TNRC18: variants seen among roughly 807,000 people sequenced by gnomAD.
The protein encoded by TNRC18 is trinucleotide repeat containing 18.
TNRC18 carries 69 observed loss-of-function variants against 226.7 expected under a neutral mutation model. The observed-to-expected ratio is 0.30, with a 90% confidence interval of 0.25 to 0.37. The LOEUF is 0.37. Ranked by LOEUF, TNRC18 falls within the 10% of genes least tolerant of loss-of-function variation. The pLI is 1.00. For missense variants in TNRC18, 4,754 were observed against 4,256.6 expected (o/e 1.12, Z -3.25); for synonymous variants, 2,449 against 1,927.6 (o/e 1.27, Z -7.09).
chr7:5,354,049 C>A (rs1397388713), intron 16 of TNRC18, among the ~76,000 whole-genome samples: 2 of 151,740 alleles, frequency 1.3e-5, no homozygotes, highest in Non-Finnish European at 2.9e-5. Context: ...CTAAAAATAA[C>A]AACATTAGCT....
chr7:5,346,380 G>T (rs968040036), intron 17 of TNRC18, among the ~76,000 whole-genome samples: 7 of 152,178 alleles, frequency 4.6e-5, no homozygotes, highest in African/African-American at 1.7e-4. Context: ...CCCGAGAAGG[G>T]ATCTGGAGTC....
At chr7:5,338,100 A>G (rs527766744) in intron 18 of TNRC18, among the ~76,000 whole-genome samples, 1 of 152,228 alleles carries the variant, frequency 6.6e-6, no homozygotes, top group Non-Finnish European at 1.5e-5. Context: ...ACAAAGTTGC[A>G]AGATTTCTGT....
At chr7:5,398,135 G>A (rs925193241) in intron 2 of TNRC18, among the ~76,000 whole-genome samples, 1 of 151,990 alleles carries the variant, frequency 6.6e-6, no homozygotes, top group Admixed American at 6.6e-5. Context: ...TGGGTAGCTG[G>A]GACCACAGGC....
intron 10 of TNRC18, among the ~76,000 whole-genome samples, chr7:5,371,804 G>GCCCA (rs1794182769): frequency 6.6e-6 from 1 of 151,518 alleles, no homozygotes; most frequent in Non-Finnish European, 1.5e-5. Context: ...GGCGTGGTGG[G>GCCCA]CCACGCCTGT....
At chr7:5,314,329 T>A (rs2128106340) in intron 26 of TNRC18, among the ~76,000 whole-genome samples, 1 of 152,262 alleles carries the variant, frequency 6.6e-6, no homozygotes, top group East Asian at 1.9e-4. Context: ...GCTGCAGCCT[T>A]CTTAGGCCTC....
At position 5,330,406 on chromosome 7, in the gene TNRC18, TTTTG is replaced by T. The variant is rs1161794105; in HGVS notation, c.6147+2212_6147+2215del. 3.4e-3 allele frequency among the ~76,000 whole-genome samples: 501 copies of T among 148,864 alleles called. 2 individuals are homozygous for T. Among genetic ancestry groups the T allele is most frequent in the African/African-American group, 0.011 (474 of 41,256 alleles). On this transcript the variant is annotated intron_variant, in intron 19 of 29. Transcript: ENST00000430969. The stretch of plus-strand genomic sequence containing the variant: ...CACCACCACTCCCAGCTAATTGTTT[TTTTG>T]TTGTTTTTTTTTTTTGGTAGAGGCA...
intron 21 of TNRC18, among the ~76,000 whole-genome samples, chr7:5,321,697 G>T (rs1363354194): frequency 1.3e-5 from 2 of 151,154 alleles, no homozygotes; most frequent in Non-Finnish European, 2.9e-5. Context: ...TTGAGATGGA[G>T]TTTCAATCTT....
At chr7:5,402,128 G>A (rs1383875890) in intron 2 of TNRC18, among the ~76,000 whole-genome samples, 3 of 143,116 alleles carry the variant, frequency 2.1e-5, no homozygotes, top group African/African-American at 8.1e-5. Flanking sequence ...GCCGTGAGCT[G>A]AGATCATGCC....
chr7:5,315,099 G>A lies in TNRC18; in HGVS notation c.6912C>T (p.Ser2304=). 1 of 1,612,984 alleles carries A rather than the reference G, an allele frequency of 6.2e-7. No homozygotes were observed. The highest frequency in any genetic ancestry group is 8.5e-7 in the Non-Finnish European group (1 of 1,179,680). Residue 2304 remains serine, a synonymous_variant, in exon 26 of 30, where the codon AGC becomes AGT. Transcript: ENST00000430969. ...ALLVPSAKRR[S]RKTSKDTGEG... ...CCCCAGTGTCTTTGCTGGTCTTCCGGCTGCGGCGCTTGGCACTTGGCACCA... is the reference window on the plus strand; with the variant it reads ...CCCCAGTGTCTTTGCTGGTCTTCCGACTGCGGCGCTTGGCACTTGGCACCA...
Position 5,351,838 on chromosome 7 carries a change from C to T in TNRC18, c.5451G>A (p.Ser1817=), listed in dbSNP as rs771497365. Residue 1817 remains serine, a synonymous_variant, in exon 17 of 30, where the codon TCG becomes TCA. Coordinates refer to ENST00000430969, the MANE Select transcript of TNRC18 (RefSeq NM_001080495.3). ...AEARSSFSDS[S]EESFDQDESS... is the part of the protein sequence containing the mutation. ...AGTAACCTTGGTCAAACGATTCCTC[C>T]GAAGAGTCGCTGAAGGAGGAACGCG... The T allele has an allele frequency of 5.6e-6, 9 of 1,599,470 alleles. No individual in the cohort carries two copies. Among genetic ancestry groups the T allele is most frequent in the African/African-American group, 4.1e-5 (3 of 73,972 alleles).
Position 5,361,676 on chromosome 7 carries a change from C to T in TNRC18, c.4579G>A (p.Gly1527Ser), listed in dbSNP as rs1485214360. 6.4e-7 allele frequency: 1 copy of T among 1,565,542 alleles called. No individual in the cohort carries two copies. The highest frequency in any genetic ancestry group is 8.7e-7 in the Non-Finnish European group (1 of 1,155,992). The change falls in exon 14 of 30, where the codon GGC becomes AGC. Residue 1527 changes from glycine to serine, a missense_variant. Physicochemically the swap from Gly to Ser is moderately conservative, Grantham distance 56 (BLOSUM62 0). Coordinates refer to ENST00000430969, the MANE Select transcript of TNRC18 (RefSeq NM_001080495.3). ...PHRSLARRGPGRPRKRTHAPS... is the reference protein window; with the variant it reads ...PHRSLARRGPSRPRKRTHAPS... ...GCGTGGGTCCGTTTCCGCGGCCTGC[C>T]AGGGCCTCTGCGTGCCAAGCTTCTA...
rs542642428 is a variant in TNRC18 at position 5,307,775 on chromosome 7, G to A, written c.*331C>T. ...GACCTGGGGGCACCCGGGCCCCCAC[G>A]CAGCAGCAGCCTGGAGGGCCGGCCT... On this transcript the variant is annotated 3_prime_UTR_variant, in exon 30 of 30. Coordinates refer to ENST00000430969, the MANE Select transcript of TNRC18 (RefSeq NM_001080495.3). 419 of 394,372 alleles carry A rather than the reference G, an allele frequency of 1.1e-3. 1 individual carries two copies. Among genetic ancestry groups the A allele is most frequent in the Non-Finnish European group, 1.8e-3 (380 of 207,272 alleles). The allele number at this position is 394,372 out of a possible 1,614,324, so 24.4% of individuals were successfully genotyped here.
chr7:5,376,317 A>G (rs1280379834), intron 8 of TNRC18, 93 bp from the exon 9 acceptor site: 18 of 1,137,238 alleles, frequency 1.6e-5, no homozygotes, highest in Non-Finnish European at 1.9e-5. Context: ...GAGGGGCCAC[A>G]CCCACACAGT....
In TNRC18 at chr7:5,387,666, A is replaced by G. The variant is rs1371320923; in HGVS notation, c.2152+6T>C. The G allele has an allele frequency of 6.2e-7, 1 of 1,602,868 alleles. No individual in the cohort carries two copies. The highest frequency in any genetic ancestry group is 8.5e-7 in the Non-Finnish European group (1 of 1,179,816). On this transcript the variant is annotated splice_donor_region_variant and intron_variant, in intron 5 of 29. Transcript: ENST00000430969. ...TACCCGCACCTGGGCTCTGCCCAGGACCTACCTTTGACGTTACTCAGCGAC... is the reference window on the plus strand; with the variant it reads ...TACCCGCACCTGGGCTCTGCCCAGGGCCTACCTTTGACGTTACTCAGCGAC...
At chr7:5,356,805 C>T in intron 16 of TNRC18, 111 bp downstream of exon 16, 1 of 1,373,572 alleles carries the variant, frequency 7.3e-7, no homozygotes, top group Non-Finnish European at 9.5e-7. Context: ...AGAGAGAGAG[C>T]GAGAGCGAGA....
chr7:5,385,807 C>A (rs1779732260), intron 5 of TNRC18, among the ~76,000 whole-genome samples: 1 of 148,928 alleles, frequency 6.7e-6, no homozygotes, highest in Non-Finnish European at 1.5e-5. Context: ...AACCTTGTCT[C>A]TACTAAAGAA....
chr7:5,341,963 T>C (rs1465526095), intron 18 of TNRC18, among the ~76,000 whole-genome samples: 5 of 152,208 alleles, frequency 3.3e-5, no homozygotes, highest in Admixed American at 6.5e-5. Flanking sequence ...AGATGAATGT[T>C]GGTTCCATGC....
chr7:5,329,576 G>C (rs1420819375), intron 19 of TNRC18, among the ~76,000 whole-genome samples: 1 of 151,358 alleles, frequency 6.6e-6, no homozygotes, highest in Non-Finnish European at 1.5e-5. Flanking sequence ...TCAGCTACTT[G>C]GGAGGCTGAG....
intron 15 of TNRC18, among the ~76,000 whole-genome samples, 167 bp downstream of exon 15, chr7:5,359,231 C>A (rs1792776417): frequency 6.6e-6 from 1 of 152,156 alleles, no homozygotes; most frequent in African/African-American, 2.4e-5. Flanking sequence ...ATCTCCCCCT[C>A]TGTACAATAA....
Sources: gnomAD v4.1 joint callset for allele counts (sites outside exome capture counted in the v4.1 genomes callset) on GRCh38, gnomAD v4.1.1 for gene constraint, MANE v1.5 for transcripts, NCBI Gene and HGNC (gene_info 2026-07-23, HGNC 2026-07-21) for gene names.